Variants in NPIPB5 observed in about 807,000 individuals in gnomAD.
The protein encoded by NPIPB5 is nuclear pore complex interacting protein family member B5, also known as nuclear pore complex-interacting protein family member B5.
For missense variants in NPIPB5, 10 were observed against 414.7 expected (o/e 0.02, Z 8.48); for synonymous variants, 1 against 168.2 (o/e 0.01, Z 7.69).
chr16:22,528,240 T>TTC (rs1162137608), intron 4 of NPIPB5: 469 of 375,346 alleles, frequency 1.2e-3, no homozygotes, highest in East Asian at 0.011. Context: ...TTTTTTTTTT[T>TTC]CCTGAGATGG....
At chr16:22,514,930 C>G (rs1164499958) in intron 1 of NPIPB5, among the ~76,000 whole-genome samples, 162 of 15,186 alleles carry the variant, frequency 0.011, 2 homozygotes, top group Middle Eastern at 0.042. Flanking sequence ...TCACTCTGTC[C>G]CCCAGGCTGG....
At chr16:22,528,724 G>T (rs1054006988) in intron 4 of NPIPB5, among the ~76,000 whole-genome samples, 1 of 10,196 alleles carries the variant, frequency 9.8e-5, no homozygotes, top group Non-Finnish European at 2.7e-4. Context: ...TTTTTTTTGA[G>T]ACAGAGTCTC....
intron 4 of NPIPB5, among the ~76,000 whole-genome samples, chr16:22,529,419 T>C (rs1360325485): frequency 8.1e-5 from 12 of 149,008 alleles, no homozygotes; most frequent in Non-Finnish European, 9.0e-5. Flanking sequence ...ACCTTTATTC[T>C]GATGCATGAC....
chr16:22,515,217 AAG>A (rs1339678187), intron 1 of NPIPB5, among the ~76,000 whole-genome samples: 2 of 568 alleles, frequency 3.5e-3, no homozygotes, highest in Non-Finnish European at 5.7e-3. Context: ...ATATACTATG[AAG>A]AGAAAAACAC....
At chr16:22,517,781 C>T (rs1476456488) in intron 1 of NPIPB5, among the ~76,000 whole-genome samples, 7 of 56,958 alleles carry the variant, frequency 1.2e-4, no homozygotes, top group Non-Finnish European at 2.0e-4. Context: ...CCTCGTGATC[C>T]GCCTGCCTCA....
exon 7 of NPIPB5, chr16:22,534,140 A>G: frequency 1.6e-6 from 1 of 607,586 alleles, no homozygotes; most frequent in South Asian, 1.6e-5. Flanking sequence ...GATAATCTCA[A>G]GACACCTTCC....
chr16:22,518,135 G>T (rs1426122994), intron 1 of NPIPB5, among the ~76,000 whole-genome samples: 62 of 43,226 alleles, frequency 1.4e-3, no homozygotes, highest in Middle Eastern at 0.01. Context: ...GGCTGGTCTG[G>T]AACTCCTGAC....
In NPIPB5 at chr16:22,517,984, C is replaced by T. The variant is rs1406222762; in HGVS notation, c.120+4063C>T. On this transcript the variant is annotated intron_variant, in intron 1 of 6. Transcript: ENST00000424340. ...AGGCTGGAGTGCAGTGGTGCAATCT[C>T]GGCTCACTGCAGACTCTGCCTCCCG... Among the ~76,000 whole-genome samples, 41 of 126,976 alleles carry T rather than the reference C, an allele frequency of 3.2e-4. 2 individuals are homozygous for T. The highest frequency in any genetic ancestry group is 9.4e-4 in the African/African-American group (33 of 35,282). The allele number at this position is 126,976 out of a possible 152,430, so 83.3% of individuals were successfully genotyped here.
chr16:22,534,554 C>A (rs753414058), exon 7 of NPIPB5: 1 of 1,610,676 alleles, frequency 6.2e-7, no homozygotes, highest in Non-Finnish European at 8.5e-7. Flanking sequence ...GCCCTTCCAC[C>A]CTCAGCAGAT....
upstream of NPIPB5, among the ~76,000 whole-genome samples, chr16:22,510,890 G>A (rs1432621950): frequency 5.1e-5 from 1 of 19,766 alleles, no homozygotes; most frequent in Non-Finnish European, 7.0e-5. Context: ...TTTTTTTTTT[G>A]GATAGATTCT....
chr16:22,528,693 T>A (rs2049839363), intron 4 of NPIPB5, among the ~76,000 whole-genome samples: 2 of 8,640 alleles, frequency 2.3e-4, no homozygotes, highest in Non-Finnish European at 5.7e-4. Flanking sequence ...ATTTGACCAA[T>A]TTTTTTTTTT....
chr16:22,528,517 CTTTTTTTTTTT>C (rs1194681081), intron 4 of NPIPB5, among the ~76,000 whole-genome samples: 5 of 72,274 alleles, frequency 6.9e-5, no homozygotes, highest in Non-Finnish European at 2.6e-5. Context: ...CACAGCCAGC[CTTTTTTTTTTT>C]TTTTTTTTTT....
chr16:22,535,278 TCAGCTCCAC>T, exon 7 of NPIPB5: 1 of 117,782 alleles, frequency 8.5e-6, no homozygotes, highest in Non-Finnish European at 1.5e-5. Context: ...CCTTCCACCC[TCAGCTCCAC>T]CCTCAGCAGA....
At chr16:22,510,539 C>T (rs1365588872), upstream of NPIPB5, among the ~76,000 whole-genome samples, 2 of 21,062 alleles carry the variant, frequency 9.5e-5, no homozygotes, top group Non-Finnish European at 1.4e-4. Flanking sequence ...AGGAGAATGG[C>T]GTGAACCCGG....
downstream of NPIPB5, chr16:22,536,487 C>CAAAG (rs1488096363): frequency 1.4e-5 from 2 of 144,420 alleles, no homozygotes; most frequent in African/African-American, 2.9e-5. Context: ...CAAAAACTAA[C>CAAAG]AAAGAATAAA....
chr16:22,510,677 T>G (rs1320358578), upstream of NPIPB5, among the ~76,000 whole-genome samples: 1 of 66,812 alleles, frequency 1.5e-5, no homozygotes, highest in South Asian at 6.3e-4. Context: ...TACAAATATT[T>G]TTAGAGAAGA....
upstream of NPIPB5, among the ~76,000 whole-genome samples, chr16:22,510,787 A>C (rs1176196604): frequency 2.2e-5 from 2 of 92,818 alleles, 1 homozygote; most frequent in Non-Finnish European, 3.7e-5. Flanking sequence ...GCAGCATTTT[A>C]AGACAGTAAT....
Sources: allele counts gnomAD v4.1 joint callset (sites outside exome capture counted in the v4.1 genomes callset), GRCh38; gene constraint gnomAD v4.1.1; transcripts MANE v1.5; gene names NCBI Gene and HGNC (gene_info 2026-07-23, HGNC 2026-07-21).